Variants in SCHIP1 observed in about 807,000 individuals in gnomAD.
The protein encoded by SCHIP1 is schwannomin-interacting protein 1.
A neutral mutation model predicts 29.7 loss-of-function variants in SCHIP1; 8 were observed. The observed-to-expected ratio is 0.27, with a 90% CI of 0.16 to 0.49. SCHIP1 has a LOEUF of 0.49. Among genes scored for constraint, SCHIP1 ranks in the 20% least tolerant of loss-of-function variants. SCHIP1 has a pLI of 0.99. For missense variants in SCHIP1, 193 were observed against 294.6 expected, an observed-to-expected ratio of 0.66 and a Z score of 2.52; for synonymous variants, 76 against 94.9, an observed-to-expected ratio of 0.80 and a Z score of 1.16.
At chr3:159,318,229 A>G in the SCHIP1 span, among the ~76,000 whole-genome samples, 2 of 152,174 alleles carry the variant, frequency 1.3e-5, no homozygotes, top group Non-Finnish European at 1.5e-5. Context: ...TCACCTGCTG[A>G]TAGGCACTCA....
upstream of SCHIP1, among the ~76,000 whole-genome samples, chr3:159,836,871 T>C (rs1743713111): frequency 6.6e-6 from 1 of 152,228 alleles, no homozygotes; most frequent in Non-Finnish European, 1.5e-5. Flanking sequence ...CTGTTTAAAG[T>C]TTTTTGCACT....
At chr3:159,786,666 C>CGTGTGTGTGT in the SCHIP1 span, among the ~76,000 whole-genome samples, 1 of 124,774 alleles carries the variant, frequency 8.0e-6, no homozygotes, top group Admixed American at 9.1e-5. Context: ...TGAGTCAAAG[C>CGTGTGTGTGT]GTGTGTGTGT....
At chr3:159,327,425 C>CA in the SCHIP1 span, among the ~76,000 whole-genome samples, 539 of 152,100 alleles carry the variant, frequency 3.5e-3, 5 homozygotes, top group Non-Finnish European at 1.8e-3. Flanking sequence ...GAAATCCAGG[C>CA]AATATTGAGA....
the SCHIP1 span, among the ~76,000 whole-genome samples, chr3:159,366,348 A>G: frequency 6.6e-6 from 1 of 152,276 alleles, no homozygotes; most frequent in South Asian, 2.1e-4. Context: ...AATATTGGGG[A>G]TTACATTTCA....
chr3:159,465,341 T>TG, the SCHIP1 span, among the ~76,000 whole-genome samples: 66 of 136,606 alleles, frequency 4.8e-4, no homozygotes, highest in Admixed American at 8.7e-4. Context: ...GTGTGTGTGT[T>TG]TGTGTGCGTG....
chr3:159,620,477 T>C, the SCHIP1 span, among the ~76,000 whole-genome samples: 2 of 152,178 alleles, frequency 1.3e-5, no homozygotes, highest in Non-Finnish European at 2.9e-5. Context: ...GATAAAGAAA[T>C]AGACAATGGC....
the SCHIP1 span, among the ~76,000 whole-genome samples, chr3:159,499,828 A>G: frequency 3.9e-5 from 6 of 152,212 alleles, no homozygotes; most frequent in African/African-American, 1.4e-4. Flanking sequence ...CACCCATTTT[A>G]TAAATGAGGA....
chr3:159,276,620 C>T, the SCHIP1 span, among the ~76,000 whole-genome samples: 1 of 152,162 alleles, frequency 6.6e-6, no homozygotes, highest in South Asian at 2.1e-4. Context: ...TATGACCTGA[C>T]TGATTTGAGA....
At chr3:159,466,977 C>A in the SCHIP1 span, among the ~76,000 whole-genome samples, 9 of 152,024 alleles carry the variant, frequency 5.9e-5, no homozygotes, top group African/African-American at 2.2e-4. Context: ...AATAAATAAA[C>A]AACATTAAAA....
the SCHIP1 span, among the ~76,000 whole-genome samples, chr3:159,372,322 A>C: frequency 6.6e-6 from 1 of 152,110 alleles, no homozygotes. Context: ...TTCAATTTCA[A>C]ATTAAAGCTG....
the SCHIP1 span, among the ~76,000 whole-genome samples, chr3:159,349,910 C>T: frequency 3.3e-5 from 5 of 152,254 alleles, no homozygotes; most frequent in Non-Finnish European, 5.9e-5. Flanking sequence ...AACTTTTAAG[C>T]TCTATCAAAA....
chr3:159,712,899 T>C, the SCHIP1 span, among the ~76,000 whole-genome samples: 4 of 150,670 alleles, frequency 2.7e-5, no homozygotes, highest in South Asian at 4.2e-4. Context: ...CGGTGGCTCA[T>C]GCCTGTAATC....
chr3:159,764,317 T>G, the SCHIP1 span: 2 of 1,188,888 alleles, frequency 1.7e-6, no homozygotes, highest in Non-Finnish European at 2.3e-6. This position sits in a 1 kb window ranked among gnomAD's most constrained non-coding sequence, Gnocchi z 6.1. Context: ...CCAGGCCTCC[T>G]TGGGGGACGC....
the SCHIP1 span, among the ~76,000 whole-genome samples, chr3:159,706,842 G>A: frequency 6.6e-6 from 1 of 152,076 alleles, no homozygotes; most frequent in Non-Finnish European, 1.5e-5. Context: ...AGTGGGATGG[G>A]GTGACTTCTG....
the SCHIP1 span, among the ~76,000 whole-genome samples, chr3:159,552,506 T>C: frequency 1.2e-4 from 19 of 152,214 alleles, no homozygotes; most frequent in Non-Finnish European, 2.5e-4. Context: ...ATTACTTCCA[T>C]GTTCAACTGC....
the SCHIP1 span, among the ~76,000 whole-genome samples, chr3:159,767,875 T>C: frequency 2.6e-5 from 4 of 152,222 alleles, no homozygotes; most frequent in Admixed American, 6.5e-5. Context: ...CCTCTATTTT[T>C]GGTCCCTCTG....
chr3:159,443,167 G>A, the SCHIP1 span, among the ~76,000 whole-genome samples: 6 of 152,264 alleles, frequency 3.9e-5, 1 homozygote, highest in South Asian at 1.2e-3. Flanking sequence ...CTGACAGGCT[G>A]GGGTAGAAAG....
At chr3:159,883,130 G>T (rs1206603282) in intron 2 of SCHIP1, among the ~76,000 whole-genome samples, 1 of 152,142 alleles carries the variant, frequency 6.6e-6, no homozygotes, top group East Asian at 1.9e-4. Flanking sequence ...AAATGAAATC[G>T]ACAGGCAAGG....
At chr3:159,737,554 A>C in the SCHIP1 span, among the ~76,000 whole-genome samples, 1 of 152,208 alleles carries the variant, frequency 6.6e-6, no homozygotes, top group Non-Finnish European at 1.5e-5. Flanking sequence ...CACCACAGTT[A>C]TGTGCTACTA....
Sources: allele counts gnomAD v4.1 joint callset (sites outside exome capture counted in the v4.1 genomes callset), GRCh38; gene constraint gnomAD v4.1.1; non-coding constraint Gnocchi (gnomAD v3.1); transcripts MANE v1.5; gene names NCBI Gene and HGNC (gene_info 2026-07-23, HGNC 2026-07-21).